Variants in ZBTB20 observed in about 807,000 individuals in gnomAD.
The protein encoded by ZBTB20 is zinc finger and BTB domain containing 20.
ZBTB20 carries 9 observed loss-of-function variants against 56.9 expected under a neutral mutation model. The ratio of observed to expected loss-of-function variants is 0.16; its 90% CI spans 0.10 to 0.28. ZBTB20 has a LOEUF of 0.28. Among genes scored for constraint, ZBTB20 ranks in the 10% least tolerant of loss-of-function variants. ZBTB20 has a pLI of 1.00. For synonymous variants in ZBTB20, 417 were observed against 420.7 expected (o/e 0.99, Z 0.11); for missense variants, 655 against 1,003.0 (o/e 0.65, Z 4.69).
chr3:114,859,211 C>T (rs938762298), intron 4 of ZBTB20, among the ~76,000 whole-genome samples: 2 of 151,524 alleles, frequency 1.3e-5, no homozygotes, highest in Non-Finnish European at 2.9e-5. Context: ...TTCGTTCCTT[C>T]CTTTCCTCCT....
intron 6 of ZBTB20, among the ~76,000 whole-genome samples, chr3:114,678,572 C>G (rs948798583): frequency 6.6e-6 from 1 of 152,046 alleles, no homozygotes; most frequent in African/African-American, 2.4e-5. Flanking sequence ...ATGTATACGT[C>G]GCAGAATCAC....
chr3:114,957,634 T>C (rs778749164), intron 3 of ZBTB20, among the ~76,000 whole-genome samples: 23 of 152,216 alleles, frequency 1.5e-4, no homozygotes, highest in Non-Finnish European at 3.1e-4. Flanking sequence ...GGATTTAACA[T>C]CATATCTTTC....
chr3:115,107,417 CAAA>C (rs59267707), intron 1 of ZBTB20, among the ~76,000 whole-genome samples: 7 of 112,856 alleles, frequency 6.2e-5, no homozygotes, highest in Admixed American at 9.0e-5. Flanking sequence ...GAGACTGTGT[CAAA>C]AAAAAAAAAA....
At chr3:114,513,788 T>C (rs1207237243) in intron 6 of ZBTB20, among the ~76,000 whole-genome samples, 4 of 152,222 alleles carry the variant, frequency 2.6e-5, no homozygotes, top group East Asian at 1.9e-4. Flanking sequence ...CCTTATTCCA[T>C]AGTGTGCCTT....
chr3:114,747,929 A>AAAAAACAAAC (rs2067174620), intron 5 of ZBTB20, among the ~76,000 whole-genome samples: 1 of 2,090 alleles, frequency 4.8e-4, no homozygotes, highest in African/African-American at 4.9e-4. Context: ...AAAAAAAAAA[A>AAAAAACAAAC]AAAAAAAAAA....
At chr3:114,901,637 T>A (rs577943794) in intron 3 of ZBTB20, among the ~76,000 whole-genome samples, 11 of 152,182 alleles carry the variant, frequency 7.2e-5, no homozygotes, top group African/African-American at 2.6e-4. Context: ...AAATATCTAA[T>A]AGAAAAATAA....
In ZBTB20 at chr3:114,337,003, T is replaced by C. The variant is rs2079479563; in HGVS notation, c.*2002A>G. 6.6e-6 allele frequency: 1 copy of C among 152,208 alleles called. No homozygotes were observed. 9.4% of individuals were successfully genotyped at this position (152,208 alleles called of 1,614,324 possible). A position where few individuals can be genotyped will look rare whatever the true frequency, so the allele number is the denominator to read the frequency against. Reference sequence around the variant, plus strand: ...TGAAAATGTCTCTATTATAACACCTTGATCAGGACCGAGGAGAGAAATCCC... The same window carrying C: ...TGAAAATGTCTCTATTATAACACCTCGATCAGGACCGAGGAGAGAAATCCC... On this transcript the variant is annotated 3_prime_UTR_variant, in exon 12 of 12. Transcript: ENST00000675478.
intron 5 of ZBTB20, among the ~76,000 whole-genome samples, chr3:114,748,350 T>TCTCTCTCTC (rs373583112): frequency 0.011 from 322 of 29,162 alleles, no homozygotes; most frequent in East Asian, 0.018. Context: ...TCTTTCTTTC[T>TCTCTCTCTC]TTTCTCTCTC....
At position 114,572,351 on chromosome 3, in the gene ZBTB20, G is replaced by C. The variant is rs577333748; in HGVS notation, c.-294-71960C>G. ...CAAAGTGTAAGCATTTCTACCCAAG[G>C]AACTTTTCCTTAGATTATTTCATAG... On this transcript the variant is annotated intron_variant, in intron 6 of 11. Transcript: ENST00000675478. Among the ~76,000 whole-genome samples the C allele has an allele frequency of 9.2e-5, 14 of 152,282 alleles. 1 individual carries two copies. The highest frequency in any genetic ancestry group is 2.9e-4 in the African/African-American group (12 of 41,552).
chr3:114,672,135 A>G (rs1313746105), intron 6 of ZBTB20, among the ~76,000 whole-genome samples: 1 of 152,160 alleles, frequency 6.6e-6, no homozygotes, highest in Non-Finnish European at 1.5e-5. Flanking sequence ...AATGAATGAA[A>G]TTACCTCAAA....
intron 2 of ZBTB20, among the ~76,000 whole-genome samples, chr3:115,038,191 C>T (rs1209153462): frequency 1.3e-5 from 2 of 152,172 alleles, no homozygotes; most frequent in Non-Finnish European, 2.9e-5. Flanking sequence ...GGAAAATCTA[C>T]GTTAGCTCTA....
intron 7 of ZBTB20, among the ~76,000 whole-genome samples, chr3:114,389,866 C>A (rs560974660): frequency 1.9e-5 from 2 of 102,694 alleles, no homozygotes; most frequent in Non-Finnish European, 3.5e-5. Context: ...TCCAGCCTGG[C>A]AACAGAGCAA....
intron 3 of ZBTB20, among the ~76,000 whole-genome samples, chr3:114,924,720 A>G (rs1396767362): frequency 6.6e-6 from 1 of 152,208 alleles, no homozygotes; most frequent in Admixed American, 6.5e-5. Flanking sequence ...CACAATGCAC[A>G]CTTTCACTAT....
intron 4 of ZBTB20, among the ~76,000 whole-genome samples, chr3:114,819,716 T>C (rs890986803): frequency 6.6e-6 from 1 of 151,848 alleles, no homozygotes; most frequent in African/African-American, 2.4e-5. Context: ...GGTGAATATT[T>C]ACTAAATTTC....
chr3:114,959,116 T>C (rs990207919), intron 3 of ZBTB20, among the ~76,000 whole-genome samples: 5 of 152,154 alleles, frequency 3.3e-5, no homozygotes, highest in Non-Finnish European at 7.4e-5. Context: ...GATTTCTCAC[T>C]TCCCCTAATG....
At chr3:115,119,586 T>A (rs1242738803) in intron 1 of ZBTB20, among the ~76,000 whole-genome samples, 1 of 152,136 alleles carries the variant, frequency 6.6e-6, no homozygotes, top group East Asian at 1.9e-4. Flanking sequence ...AGCACACTAA[T>A]CCTACAGTAC....
chr3:114,569,258 G>A (rs998049263), intron 6 of ZBTB20, among the ~76,000 whole-genome samples: 4 of 152,168 alleles, frequency 2.6e-5, no homozygotes, highest in Non-Finnish European at 4.4e-5. Context: ...ATTGATGGAT[G>A]CTCCATTGCA....
At chr3:115,123,679 C>CA (rs898135306) in intron 1 of ZBTB20, among the ~76,000 whole-genome samples, 1 of 152,150 alleles carries the variant, frequency 6.6e-6, no homozygotes, top group African/African-American at 2.4e-5. Context: ...ACTTACTGCT[C>CA]AAAACCAGTA....
chr3:114,595,625 C>T (rs2056248849), intron 6 of ZBTB20, among the ~76,000 whole-genome samples: 2 of 152,156 alleles, frequency 1.3e-5, no homozygotes, highest in Non-Finnish European at 2.9e-5. Flanking sequence ...CCAGGGTATT[C>T]CCTTGGATAT....
Sources: gnomAD v4.1 joint callset for allele counts (sites outside exome capture counted in the v4.1 genomes callset) on GRCh38, gnomAD v4.1.1 for gene constraint, MANE v1.5 for transcripts, NCBI Gene and HGNC (gene_info 2026-07-23, HGNC 2026-07-21) for gene names.